LRRC4C: variants seen among roughly 807,000 people sequenced by gnomAD.
LRRC4C encodes leucine rich repeat containing 4C.
In LRRC4C, 5 loss-of-function variants were observed where a neutral mutation model predicts 33.6. That is an observed-to-expected ratio of 0.15 (90% confidence interval 0.08 to 0.31). The LOEUF is 0.31. Among genes scored for constraint, LRRC4C ranks in the 10% least tolerant of loss-of-function variants. LRRC4C has a pLI of 1.00. For synonymous variants in LRRC4C, 329 were observed against 302.0 expected (o/e 1.09, Z -0.93); for missense variants, 560 against 796.7 (o/e 0.70, Z 3.58).
At chr11:41,457,583 G>C (rs553046886) in intron 1 of LRRC4C, among the ~76,000 whole-genome samples, 1 of 152,070 alleles carries the variant, frequency 6.6e-6, no homozygotes, top group African/African-American at 2.4e-5. Flanking sequence ...ATAAAATTTT[G>C]TTTAGGGTTT....
chr11:41,322,584 G>A (rs1360292974), intron 1 of LRRC4C, among the ~76,000 whole-genome samples: 1 of 151,840 alleles, frequency 6.6e-6, no homozygotes, highest in Non-Finnish European at 1.5e-5. Context: ...GTTTTGTTGT[G>A]TCCAATGCAA....
intron 2 of LRRC4C, among the ~76,000 whole-genome samples, chr11:40,781,517 A>C (rs978968610): frequency 7.9e-5 from 12 of 152,150 alleles, no homozygotes; most frequent in Non-Finnish European, 1.6e-4. Context: ...AGTTTTAGGA[A>C]GCTTTCCAAA....
At chr11:40,633,202 A>T (rs1963614098) in intron 3 of LRRC4C, among the ~76,000 whole-genome samples, 1 of 152,294 alleles carries the variant, frequency 6.6e-6, no homozygotes, top group South Asian at 2.1e-4. Context: ...TGTTCACAGA[A>T]TGTGAAGAAA....
intron 2 of LRRC4C, among the ~76,000 whole-genome samples, chr11:40,801,808 A>G (rs2135288128): frequency 6.6e-6 from 1 of 152,314 alleles, no homozygotes; most frequent in Non-Finnish European, 1.5e-5. Context: ...AAATAAATGA[A>G]TGAAAACTCC....
intron 1 of LRRC4C, among the ~76,000 whole-genome samples, chr11:40,977,373 C>T (rs1370011608): frequency 6.6e-6 from 1 of 152,126 alleles, no homozygotes; most frequent in Non-Finnish European, 1.5e-5. Flanking sequence ...TGTCAAATAT[C>T]TACTTTCAAA....
At chr11:40,155,483 G>GAA (rs1236147587) in intron 5 of LRRC4C, among the ~76,000 whole-genome samples, 2 of 152,012 alleles carry the variant, frequency 1.3e-5, no homozygotes, top group African/African-American at 4.8e-5. Flanking sequence ...AAAGAAGAGA[G>GAA]AAAATCCATA....
chr11:41,237,981 C>T (rs1948095265), intron 1 of LRRC4C, among the ~76,000 whole-genome samples: 1 of 152,038 alleles, frequency 6.6e-6, no homozygotes, highest in Non-Finnish European at 1.5e-5. Context: ...CCTTGAATAC[C>T]CATCTTTAAC....
At chr11:41,231,620 T>C (rs1359831893) in intron 1 of LRRC4C, among the ~76,000 whole-genome samples, 1 of 54,230 alleles carries the variant, frequency 1.8e-5, no homozygotes, top group Non-Finnish European at 3.5e-5. Context: ...CCTTGTGGGG[T>C]GGGGGGAGGG....
At chr11:40,161,757 C>A (rs1000249899) in intron 5 of LRRC4C, among the ~76,000 whole-genome samples, 2 of 151,638 alleles carry the variant, frequency 1.3e-5, no homozygotes, top group Admixed American at 6.6e-5. Flanking sequence ...ACTCCTTCTC[C>A]GAAAAAAATT....
intron 3 of LRRC4C, among the ~76,000 whole-genome samples, chr11:40,520,168 A>C (rs1033839565): frequency 1.3e-5 from 2 of 152,194 alleles, no homozygotes; most frequent in African/African-American, 4.8e-5. Context: ...AACCCATCTG[A>C]AATATCACTA....
chr11:40,727,630 G>A (rs1947348826), intron 2 of LRRC4C, among the ~76,000 whole-genome samples: 1 of 152,014 alleles, frequency 6.6e-6, no homozygotes, highest in Non-Finnish European at 1.5e-5. Flanking sequence ...ATATAAAATG[G>A]GAGGATATAT....
At chr11:41,325,517 G>T (rs1444088339) in intron 1 of LRRC4C, among the ~76,000 whole-genome samples, 1 of 148,586 alleles carries the variant, frequency 6.7e-6, no homozygotes. Flanking sequence ...AATAACAATT[G>T]TCTCCCAAAA....
At chr11:40,407,168 A>C (rs755393426) in intron 3 of LRRC4C, among the ~76,000 whole-genome samples, 5 of 152,068 alleles carry the variant, frequency 3.3e-5, no homozygotes, top group Non-Finnish European at 7.4e-5. Context: ...GTTGGATTGT[A>C]TGCTCTAAAA....
chr11:41,090,129 G>A (rs1940301226), intron 1 of LRRC4C, among the ~76,000 whole-genome samples: 1 of 152,050 alleles, frequency 6.6e-6, no homozygotes, highest in Non-Finnish European at 1.5e-5. Flanking sequence ...AAGCCTGATT[G>A]ACTTTGGAAA....
At chr11:41,392,819 G>C (rs1299731282) in intron 1 of LRRC4C, among the ~76,000 whole-genome samples, 1 of 151,796 alleles carries the variant, frequency 6.6e-6, no homozygotes, top group East Asian at 2.0e-4. Context: ...TAGTGGCCCA[G>C]AGGAAGCAGG....
intron 1 of LRRC4C, among the ~76,000 whole-genome samples, chr11:41,407,041 T>C (rs2138171635): frequency 6.6e-6 from 1 of 152,284 alleles, no homozygotes; most frequent in African/African-American, 2.4e-5. Flanking sequence ...TTTTCTAATA[T>C]ACATTGTCAA....
intron 1 of LRRC4C, among the ~76,000 whole-genome samples, chr11:41,247,856 A>G (rs1037973896): frequency 6.6e-6 from 1 of 152,134 alleles, no homozygotes; most frequent in Non-Finnish European, 1.5e-5. Context: ...TTGAAGTTCC[A>G]CGCTGGCCCA....
chr11:40,481,639 A>G (rs1375415345), intron 3 of LRRC4C, among the ~76,000 whole-genome samples: 1 of 152,120 alleles, frequency 6.6e-6, no homozygotes, highest in Non-Finnish European at 1.5e-5. Context: ...GACCCCATAC[A>G]ATACTGATTA....
At chr11:41,242,659 T>C (rs1451414468) in intron 1 of LRRC4C, among the ~76,000 whole-genome samples, 2 of 152,144 alleles carry the variant, frequency 1.3e-5, no homozygotes, top group Non-Finnish European at 2.9e-5. Flanking sequence ...TCTGTATCTA[T>C]CTGTCTGTCT....
Sources: gnomAD v4.1 joint callset for allele counts (sites outside exome capture counted in the v4.1 genomes callset) on GRCh38, gnomAD v4.1.1 for gene constraint, MANE v1.5 for transcripts, NCBI Gene and HGNC (gene_info 2026-07-23, HGNC 2026-07-21) for gene names.